The following PPP1R21 variants were observed in gnomAD, a reference collection of about 807,000 sequenced individuals.
The protein encoded by PPP1R21 is KLRAQ motif containing 1.
Under a neutral mutation model 112.8 loss-of-function variants are expected in PPP1R21, and 85 were observed. The ratio of observed to expected loss-of-function variants is 0.75; its 90% CI spans 0.63 to 0.90. PPP1R21 has a LOEUF of 0.90. Ranked by LOEUF, PPP1R21 falls within the 40% of genes least tolerant of loss-of-function variation. The pLI is 0.00. For missense variants in PPP1R21, 1,199 were observed against 901.5 expected (o/e 1.33, Z -4.23); for synonymous variants, 381 against 322.3 (o/e 1.18, Z -1.95).
chr2:48,505,246 A>G (rs756292534), intron 17 of PPP1R21, among the ~76,000 whole-genome samples: 1 of 152,244 alleles, frequency 6.6e-6, no homozygotes, highest in Admixed American at 6.5e-5. Flanking sequence ...GAATAGGTGT[A>G]GAAATGGCAA....
intron 20 of PPP1R21, among the ~76,000 whole-genome samples, chr2:48,510,958 G>A (rs1245080253): frequency 1.3e-5 from 2 of 152,192 alleles, no homozygotes; most frequent in East Asian, 1.9e-4. Flanking sequence ...TTGTTCTCTT[G>A]TTAGGCCTGG....
chr2:48,495,445 G>A (rs527693517), intron 15 of PPP1R21, among the ~76,000 whole-genome samples: 3 of 152,100 alleles, frequency 2.0e-5, no homozygotes, highest in South Asian at 2.1e-4. Context: ...CTTGTGATCC[G>A]CTCGCCTCGA....
In PPP1R21 at chr2:48,471,306, T is replaced by C. The variant is rs1450894778; in HGVS notation, c.1027T>C (p.Ser343Pro). The C allele has an allele frequency of 6.2e-7, 1 of 1,611,972 alleles. No individual in the cohort carries two copies. The highest frequency in any genetic ancestry group is 1.7e-5 in the Admixed American group (1 of 59,586). The change falls in exon 11 of 22, where the codon TCA (serine) becomes CCA (proline). Residue 343 changes from serine (S) to proline (P), a missense_variant. Ser to Pro is a moderately conservative substitution (Grantham distance 74, BLOSUM62 -1). Coordinates refer to ENST00000294952, the MANE Select transcript of PPP1R21 (RefSeq NM_001135629.3). Reference sequence around the variant, plus strand: ...GACAACTGTGAAATTGAAAACTTTTTCAGAACACTTAACCTCCTACATATG... The same window carrying C: ...GACAACTGTGAAATTGAAAACTTTTCCAGAACACTTAACCTCCTACATATG... ...LETTVKLKTF[S>P]EHLTSYICFL... is the part of the protein sequence containing the mutation.
At chr2:48,453,947 A>G (rs1209252039) in intron 2 of PPP1R21, among the ~76,000 whole-genome samples, 3 of 152,066 alleles carry the variant, frequency 2.0e-5, no homozygotes, top group Non-Finnish European at 4.4e-5. Context: ...TCATCAGTAA[A>G]TCTGAGGTTC....
chr2:48,501,003 C>T (rs150437583), intron 17 of PPP1R21, among the ~76,000 whole-genome samples: 106 of 152,240 alleles, frequency 7.0e-4, no homozygotes, highest in South Asian at 3.5e-3. Flanking sequence ...CTTGAATGGT[C>T]GCCACACTCA....
intron 15 of PPP1R21, among the ~76,000 whole-genome samples, chr2:48,493,086 G>T (rs928665209): frequency 7.2e-6 from 1 of 138,602 alleles, no homozygotes; most frequent in South Asian, 2.3e-4. Flanking sequence ...GCATGATCTC[G>T]GCTCCGCCTC....
At chr2:48,456,183 G>T (rs1343228096) in intron 3 of PPP1R21, among the ~76,000 whole-genome samples, 1 of 151,832 alleles carries the variant, frequency 6.6e-6, no homozygotes, top group African/African-American at 2.4e-5. Flanking sequence ...ATATGGTGAG[G>T]TGGGATTCTT....
chr2:48,509,375 G>T (rs1670530166), intron 19 of PPP1R21, among the ~76,000 whole-genome samples: 1 of 151,410 alleles, frequency 6.6e-6, no homozygotes, highest in Non-Finnish European at 1.5e-5. Flanking sequence ...TTTTTATCTA[G>T]TATAAATATA....
chr2:48,510,831 C>T (rs1189838744), intron 20 of PPP1R21, among the ~76,000 whole-genome samples: 1 of 152,204 alleles, frequency 6.6e-6, no homozygotes. Context: ...ATAATGAGGC[C>T]ATATGGCTTT....
rs75251775 is a variant in PPP1R21 at position 48,459,981 on chromosome 2, A to T, written c.540+63A>T. On this transcript the variant is annotated intron_variant, in intron 5 of 21. Transcript: ENST00000294952. ...CAGCTTTTGTATTAATAAATTGTCT[A>T]TCCACTTAGAGTTAGTCATTTCTGG... The T allele has an allele frequency of 0.056, 89,514 of 1,589,968 alleles. 3,504 individuals carry two copies. The highest frequency in any genetic ancestry group is 0.2 in the Admixed American group (11,387 of 56,308).
At chr2:48,482,619 A>G (rs1354786565) in intron 13 of PPP1R21, among the ~76,000 whole-genome samples, 1 of 151,694 alleles carries the variant, frequency 6.6e-6, no homozygotes, top group African/African-American at 2.4e-5. Context: ...GTTACATGGC[A>G]GATTAGCATT....
intron 7 of PPP1R21, among the ~76,000 whole-genome samples, 177 bp from the exon 8 acceptor site, chr2:48,464,760 A>G (rs1277692160): frequency 6.6e-6 from 1 of 152,140 alleles, no homozygotes; most frequent in Non-Finnish European, 1.5e-5. Flanking sequence ...GATGGGAAGT[A>G]TTACTTTATC....
intron 19 of PPP1R21, among the ~76,000 whole-genome samples, chr2:48,507,749 C>T (rs1214251008): frequency 4.7e-5 from 2 of 42,392 alleles, no homozygotes; most frequent in African/African-American, 1.0e-4. Context: ...GAGGCTCTGC[C>T]TTTTTTTTTT....
At chr2:48,500,023 T>C (rs1365459969) in intron 17 of PPP1R21, among the ~76,000 whole-genome samples, 1 of 152,176 alleles carries the variant, frequency 6.6e-6, no homozygotes. Flanking sequence ...TGTGTGCTTT[T>C]CTGCTGACTT....
chr2:48,490,950 C>T (rs1669535768), intron 14 of PPP1R21, 68 bp from the exon 15 acceptor site: 1 of 1,376,168 alleles, frequency 7.3e-7, no homozygotes. Context: ...GCTGCAAAAA[C>T]TATTAGATAT....
At position 48,452,556 on chromosome 2, in the gene PPP1R21, A is replaced by T. The variant is rs564953774; in HGVS notation, c.126+1480A>T. Among the ~76,000 whole-genome samples, 51 of 146,486 alleles carry T rather than the reference A, an allele frequency of 3.5e-4. 2 individuals carry two copies. The highest frequency in any genetic ancestry group is 3.2e-3 in the Admixed American group (46 of 14,576). On this transcript the variant is annotated intron_variant, in intron 2 of 21. Transcript: ENST00000294952. ...ATATAAATTATGAGAAAAATAAATT[A>T]TTTTTTTTTTTACTGTTTATTACAG...
chr2:48,497,133 G>A (rs1669883585), intron 16 of PPP1R21, among the ~76,000 whole-genome samples: 1 of 152,158 alleles, frequency 6.6e-6, no homozygotes, highest in Non-Finnish European at 1.5e-5. Context: ...TGCAGGGGAG[G>A]CATTTTTGGG....
intron 17 of PPP1R21, among the ~76,000 whole-genome samples, chr2:48,499,325 T>C (rs531063656): frequency 3.3e-5 from 5 of 152,346 alleles, no homozygotes; most frequent in African/African-American, 7.2e-5. Flanking sequence ...GGAAAAGATA[T>C]AGTAAGTTAA....
intron 4 of PPP1R21, among the ~76,000 whole-genome samples, chr2:48,459,451 A>G (rs1381492632): frequency 6.6e-6 from 1 of 152,206 alleles, no homozygotes; most frequent in African/African-American, 2.4e-5. Context: ...ACTGAGAGGT[A>G]GGAGGTGCAG....
Sources: allele counts gnomAD v4.1 joint callset (sites outside exome capture counted in the v4.1 genomes callset), GRCh38; gene constraint gnomAD v4.1.1; transcripts MANE v1.5; gene names NCBI Gene and HGNC (gene_info 2026-07-23, HGNC 2026-07-21).